Variants in CNTN3 observed in about 807,000 individuals in gnomAD.
CNTN3 encodes the protein contactin 3, also known as contactin-3.
Under a neutral mutation model 119.1 loss-of-function variants are expected in CNTN3, and 60 were observed. The observed-to-expected ratio is 0.50, with a 90% confidence interval of 0.41 to 0.62. The LOEUF (loss-of-function observed/expected upper bound fraction) is 0.62, where lower values mean the gene tolerates loss of function less well. Ranked by LOEUF, CNTN3 falls within the 20% of genes least tolerant of loss-of-function variation. The pLI is 0.00. For synonymous variants in CNTN3, 450 were observed against 438.7 expected (o/e 1.03, Z -0.32); for missense variants, 1,101 against 1,242.4 (o/e 0.89, Z 1.71).
chr3:74,301,341 G>A (rs1254904660), intron 16 of CNTN3, 57 bp downstream of exon 16: 1 of 1,556,134 alleles, frequency 6.4e-7, no homozygotes, highest in East Asian at 2.2e-5. Context: ...CAGGGCCAAG[G>A]GAAATGGAAG....
At chr3:74,435,644 C>T (rs772554175) in intron 4 of CNTN3, among the ~76,000 whole-genome samples, 1 of 152,168 alleles carries the variant, frequency 6.6e-6, no homozygotes, top group South Asian at 2.1e-4. Context: ...GATGGCTTTG[C>T]TAGACACTGT....
chr3:74,401,513 C>T (rs1248255193), intron 5 of CNTN3, among the ~76,000 whole-genome samples: 2 of 148,802 alleles, frequency 1.3e-5, no homozygotes, highest in East Asian at 2.1e-4. Flanking sequence ...CACACGCGCG[C>T]ACGCACACAC....
At chr3:74,493,127 A>G (rs1183684352) in intron 3 of CNTN3, among the ~76,000 whole-genome samples, 1 of 152,160 alleles carries the variant, frequency 6.6e-6, no homozygotes, top group Non-Finnish European at 1.5e-5. Context: ...ATTATTTAAC[A>G]TATTAGGTAT....
intron 3 of CNTN3, among the ~76,000 whole-genome samples, chr3:74,491,466 C>T (rs924940191): frequency 6.6e-6 from 1 of 152,084 alleles, no homozygotes; most frequent in Non-Finnish European, 1.5e-5. Flanking sequence ...CACCACTGCA[C>T]TCCAGTGTTG....
chr3:74,589,779 A>G (rs1704666459), intron 1 of CNTN3, among the ~76,000 whole-genome samples: 1 of 151,618 alleles, frequency 6.6e-6, no homozygotes, highest in South Asian at 2.1e-4. Context: ...ATGCAGCCAT[A>G]AAAAATGATG....
At chr3:74,356,890 T>C (rs1018182747) in intron 11 of CNTN3, among the ~76,000 whole-genome samples, 19 of 152,160 alleles carry the variant, frequency 1.2e-4, no homozygotes, top group African/African-American at 4.3e-4. Context: ...TGTGCTGCTA[T>C]AAAACTTTAT....
At chr3:74,578,562 A>T (rs1704453847) in intron 1 of CNTN3, among the ~76,000 whole-genome samples, 1 of 152,006 alleles carries the variant, frequency 6.6e-6, no homozygotes, top group African/African-American at 2.4e-5. Flanking sequence ...TCCCATCATA[A>T]AGTTAGGTAT....
At chr3:74,604,226 G>C (rs1414408179) in intron 1 of CNTN3, among the ~76,000 whole-genome samples, 2 of 152,082 alleles carry the variant, frequency 1.3e-5, no homozygotes, top group East Asian at 3.9e-4. Flanking sequence ...GAAGCACAGG[G>C]AAAAGGCTCC....
chr3:74,557,434 G>C (rs1704087625), intron 1 of CNTN3, among the ~76,000 whole-genome samples: 1 of 152,046 alleles, frequency 6.6e-6, no homozygotes, highest in African/African-American at 2.4e-5. Context: ...GCATGGATGA[G>C]GCATCATCCT....
At chr3:74,406,271 G>T (rs1441752246) in intron 5 of CNTN3, among the ~76,000 whole-genome samples, 1 of 151,968 alleles carries the variant, frequency 6.6e-6, no homozygotes, top group Non-Finnish European at 1.5e-5. Context: ...AACAAAGATT[G>T]TTTCTAAGGT....
intron 3 of CNTN3, among the ~76,000 whole-genome samples, chr3:74,497,993 A>G (rs970928928): frequency 2.6e-5 from 4 of 151,906 alleles, no homozygotes; most frequent in African/African-American, 9.7e-5. Context: ...CTATACAAAC[A>G]TAATTAATCT....
intron 5 of CNTN3, among the ~76,000 whole-genome samples, chr3:74,379,556 T>A (rs932242602): frequency 6.6e-6 from 1 of 152,138 alleles, no homozygotes; most frequent in African/African-American, 2.4e-5. Context: ...ATGCAAAAAA[T>A]GTGAAGAGCA....
rs377637030 is a variant in CNTN3 at position 74,290,792 on chromosome 3, T to C, written c.2517+4329A>G. On this transcript the variant is annotated intron_variant, in intron 19 of 22. Coordinates refer to ENST00000263665, the MANE Select transcript of CNTN3 (RefSeq NM_020872.3). Reference sequence around the variant, plus strand: ...CTGCAAGCTCTGCCTCCCTGGTTCATGCCATTCTCCTGCCTCAGCCTCCTG... The same window carrying C: ...CTGCAAGCTCTGCCTCCCTGGTTCACGCCATTCTCCTGCCTCAGCCTCCTG... Among the ~76,000 whole-genome samples, 59 of 152,140 alleles carry C rather than the reference T, an allele frequency of 3.9e-4. 1 individual carries two copies. In the East Asian group the frequency reaches 0.01, roughly 26 times the overall value.
chr3:74,517,305 G>C (rs1203746598), intron 2 of CNTN3, among the ~76,000 whole-genome samples: 1 of 151,902 alleles, frequency 6.6e-6, no homozygotes, highest in African/African-American at 2.4e-5. Flanking sequence ...CCACTGAGGA[G>C]ATCAGGTCTT....
At chr3:74,482,606 T>A (rs1016533652) in intron 4 of CNTN3, among the ~76,000 whole-genome samples, 1 of 152,018 alleles carries the variant, frequency 6.6e-6, no homozygotes, top group African/African-American at 2.4e-5. Context: ...ATTTACTCAT[T>A]TACCCATGAA....
At chr3:74,419,617 C>A (rs1000653900) in intron 5 of CNTN3, among the ~76,000 whole-genome samples, 2 of 152,150 alleles carry the variant, frequency 1.3e-5, no homozygotes, top group Non-Finnish European at 2.9e-5. Context: ...ACAAGACTTC[C>A]ATTTCAAGAA....
intron 13 of CNTN3, among the ~76,000 whole-genome samples, chr3:74,308,248 G>T (rs1438523689): frequency 6.6e-6 from 1 of 152,180 alleles, no homozygotes; most frequent in African/African-American, 2.4e-5. Flanking sequence ...GAAAGAATTG[G>T]CAGTCACTGA....
chr3:74,549,493 T>A (rs184006977), intron 1 of CNTN3, among the ~76,000 whole-genome samples: 6 of 152,244 alleles, frequency 3.9e-5, no homozygotes, highest in Admixed American at 3.3e-4. Flanking sequence ...CCTTGACATG[T>A]GTTCCAAAAG....
intron 5 of CNTN3, among the ~76,000 whole-genome samples, chr3:74,382,508 T>C (rs966192188): frequency 6.6e-6 from 1 of 152,076 alleles, no homozygotes; most frequent in African/African-American, 2.4e-5. Flanking sequence ...CACCTTTCAA[T>C]TCCCTCCTCC....
Sources: allele counts gnomAD v4.1 joint callset (sites outside exome capture counted in the v4.1 genomes callset), GRCh38; gene constraint gnomAD v4.1.1; transcripts MANE v1.5; gene names NCBI Gene and HGNC (gene_info 2026-07-23, HGNC 2026-07-21).